The following NEUROD1 variants were observed in gnomAD, a reference collection of about 807,000 sequenced individuals.
NEUROD1 encodes the protein neuronal differentiation 1.
NEUROD1 carries 9 observed loss-of-function variants against 21.8 expected under a neutral mutation model. The ratio of observed to expected loss-of-function variants is 0.41; its 90% CI spans 0.25 to 0.72. NEUROD1 has a LOEUF of 0.72. Among genes scored for constraint, NEUROD1 ranks in the 30% least tolerant of loss-of-function variants. NEUROD1 has a pLI of 0.31. For synonymous variants in NEUROD1, 199 were observed against 186.2 expected (o/e 1.07, Z -0.56); for missense variants, 434 against 468.8 (o/e 0.93, Z 0.69).
rs888196623 is a variant in NEUROD1, at chr2:181,677,377, C to A, written c.*413G>T. 6.5e-6 allele frequency: 1 copy of A among 153,046 alleles called. No individual in the cohort carries two copies. Among genetic ancestry groups the A allele is most frequent in the Admixed American group, 6.5e-5 (1 of 15,422 alleles). The allele number at this position is 153,046 out of a possible 1,614,324, so 9.5% of individuals were successfully genotyped here. ...AAATAATTCAGCATGGGAAAGGTAA[C>A]AAGTAGTAAAATGCTGGTTGAAAAA... On this transcript the variant is annotated 3_prime_UTR_variant, in exon 2 of 2. Transcript: ENST00000295108.
chr2:181,671,853 G>A (rs1181532724), downstream of NEUROD1, among the ~76,000 whole-genome samples: 1 of 152,134 alleles, frequency 6.6e-6, no homozygotes, highest in Non-Finnish European at 1.5e-5. Context: ...AGTGGAAAGG[G>A]ATTAACAGTT....
chr2:181,670,361 T>G (rs1043471400), exon 2 of NEUROD1, among the ~76,000 whole-genome samples: 7 of 152,214 alleles, frequency 4.6e-5, no homozygotes, highest in Non-Finnish European at 8.8e-5. Flanking sequence ...AAACAGCTGT[T>G]TTTTGTCAGC....
At chr2:181,674,515 G>T (rs1688538863), downstream of NEUROD1, among the ~76,000 whole-genome samples, 1 of 152,154 alleles carries the variant, frequency 6.6e-6, no homozygotes, top group Non-Finnish European at 1.5e-5. Flanking sequence ...GTTTGAAAAT[G>T]CCTTCCAAAT....
chr2:181,675,152 A>G (rs181394835), downstream of NEUROD1, among the ~76,000 whole-genome samples: 173 of 152,360 alleles, frequency 1.1e-3, 1 homozygote, highest in Non-Finnish European at 1.9e-3. Flanking sequence ...TTCCAAAATA[A>G]CAACTCTGAT....
chr2:181,675,266 T>C (rs1380380568), downstream of NEUROD1, among the ~76,000 whole-genome samples: 1 of 152,222 alleles, frequency 6.6e-6, no homozygotes, highest in African/African-American at 2.4e-5. Flanking sequence ...AAATAATATA[T>C]TTTAAATTGC....
At chr2:181,673,226 T>G (rs1303841590), downstream of NEUROD1, 1 of 152,250 alleles carries the variant, frequency 6.6e-6, no homozygotes, top group Non-Finnish European at 1.5e-5. Flanking sequence ...GCTGCACAGT[T>G]AATTCCATCA....
At chr2:181,669,638 A>C (rs1039247186), downstream of NEUROD1, among the ~76,000 whole-genome samples, 3 of 152,310 alleles carry the variant, frequency 2.0e-5, no homozygotes, top group South Asian at 6.2e-4. Flanking sequence ...AAATTTTTTC[A>C]GTGGCTTAAA....
rs138850469 is a variant in NEUROD1, at chr2:181,678,775, G to C, written c.86C>G (p.Ser29Cys). The change falls in exon 2 of 2, where the codon TCT becomes TGT. Residue 29 changes from serine (S) to cysteine (C), a missense_variant. By Grantham distance (112) the Ser-to-Cys change is moderately radical. Coordinates refer to ENST00000295108, the MANE Select transcript of NEUROD1 (RefSeq NM_002500.5). This position sits in a 1 kb window ranked among gnomAD's most constrained non-coding sequence, Gnocchi z 5.5. ...PPSWTDECLS[S>C]QDEEHEADKK... ...GTCTGCCTCGTGCTCCTCGTCCTGAGAACTGAGACACTCGTCTGTCCAGCT... is the reference window on the plus strand; with the variant it reads ...GTCTGCCTCGTGCTCCTCGTCCTGACAACTGAGACACTCGTCTGTCCAGCT... The C allele has an allele frequency of 1.5e-4, 239 of 1,613,426 alleles. No homozygotes were observed. The highest frequency in any genetic ancestry group is 2.0e-4 in the Non-Finnish European group (232 of 1,179,688).
Position 181,678,943 on chromosome 2 carries a change from T to G in NEUROD1, c.-11-72A>C, listed in dbSNP as rs1688651109. 4 of 1,568,024 alleles carry G rather than the reference T, an allele frequency of 2.6e-6. No homozygotes were observed. In the Admixed American group the frequency reaches 5.0e-5, roughly 20 times the overall value. On this transcript the variant is annotated intron_variant, in intron 1 of 1. Coordinates refer to ENST00000295108, the MANE Select transcript of NEUROD1 (RefSeq NM_002500.5). The surrounding 1 kb of genome is among the most constrained non-coding windows in gnomAD (Gnocchi z 5.5). ...GCTATATTCAAAAGCCAGATACGCC[T>G]TCAGCTTCCACTCCCTAAACCTGTA...
At chr2:181,669,724 GA>G (rs1688469376), downstream of NEUROD1, among the ~76,000 whole-genome samples, 1 of 152,082 alleles carries the variant, frequency 6.6e-6, no homozygotes, top group African/African-American at 2.4e-5. Context: ...GCAAGCATAA[GA>G]AATGAAAGTA....
At position 181,678,488 on chromosome 2, in the gene NEUROD1, G is replaced by T; in HGVS notation, c.373C>A (p.Arg125Ser). The change falls in exon 2 of 2, where the codon CGC becomes AGC. Residue 125 changes from arginine (R) to serine (S), a missense_variant. Arg to Ser is a moderately radical substitution (Grantham distance 110, BLOSUM62 -1). Coordinates refer to ENST00000295108, the MANE Select transcript of NEUROD1 (RefSeq NM_002500.5). This position sits in a 1 kb window ranked among gnomAD's most constrained non-coding sequence, Gnocchi z 5.5. ...HGLNAALDNL[R>S]KVVPCYSKTQ... ...TTAGAATAGCAAGGCACCACCTTGC[G>T]CAGGTTGTCTAGCGCCGCGTTCAGT... is the stretch of plus-strand genomic sequence containing the variant. 1 of 1,614,230 alleles carries T rather than the reference G, an allele frequency of 6.2e-7. No individual in the cohort carries two copies. The highest frequency in any genetic ancestry group is 8.5e-7 in the Non-Finnish European group (1 of 1,180,042).
chr2:181,675,650 GTT>G (rs59018409), downstream of NEUROD1, among the ~76,000 whole-genome samples: 108 of 145,196 alleles, frequency 7.4e-4, no homozygotes, highest in African/African-American at 2.2e-3. Flanking sequence ...ATGCCAAACT[GTT>G]TTTTTTTTTT....
downstream of NEUROD1, among the ~76,000 whole-genome samples, chr2:181,672,473 A>G (rs1474960532): frequency 6.6e-6 from 1 of 152,204 alleles, no homozygotes; most frequent in Non-Finnish European, 1.5e-5. Context: ...ACAGCAACAC[A>G]CAGAAGAGAC....
At chr2:181,671,819 A>G (rs1346122552), downstream of NEUROD1, among the ~76,000 whole-genome samples, 1 of 152,206 alleles carries the variant, frequency 6.6e-6, no homozygotes, top group Non-Finnish European at 1.5e-5. Context: ...TGAATAAACA[A>G]GCACTACAAT....
chr2:181,673,302 C>T (rs1025111146), downstream of NEUROD1: 7 of 152,256 alleles, frequency 4.6e-5, no homozygotes, highest in African/African-American at 9.6e-5. Context: ...GCACAGAATT[C>T]TTCCTGTCAT....
At chr2:181,679,610 G>C (rs1688661295) in intron 1 of NEUROD1, among the ~76,000 whole-genome samples, 3 of 152,194 alleles carry the variant, frequency 2.0e-5, no homozygotes, top group Admixed American at 1.3e-4. Flanking sequence ...CTGGGGGCGC[G>C]GCGCAGAGCG....
downstream of NEUROD1, among the ~76,000 whole-genome samples, chr2:181,670,165 T>C (rs1688478204): frequency 6.6e-6 from 1 of 152,198 alleles, no homozygotes; most frequent in Non-Finnish European, 1.5e-5. Context: ...TGACATTTTC[T>C]TCACATGAAG....
At chr2:181,671,963 T>C (rs1306877259), downstream of NEUROD1, among the ~76,000 whole-genome samples, 1 of 152,196 alleles carries the variant, frequency 6.6e-6, no homozygotes, top group East Asian at 1.9e-4. Context: ...ATAGTATTGA[T>C]GTGCTAAGTT....
rs8192556 is a variant in NEUROD1, at chr2:181,678,271, G to T, written c.590C>A (p.Pro197His). Reference sequence around the variant, plus strand: ...GGGGGGCATGTCCTGGTTCTGCTCAGGCAGAAAAGTCCGAGGATTGAGTTG... The same window carrying T: ...GGGGGGCATGTCCTGGTTCTGCTCATGCAGAAAAGTCCGAGGATTGAGTTG... ...CLQLNPRTFL[P>H]EQNQDMPPHL... Residue 197 changes from proline to histidine, a missense_variant, in exon 2 of 2, where the codon CCT becomes CAT. Coordinates refer to ENST00000295108, the MANE Select transcript of NEUROD1 (RefSeq NM_002500.5). This position sits in a 1 kb window ranked among gnomAD's most constrained non-coding sequence, Gnocchi z 5.5. The T allele has an allele frequency of 0.022, 35,243 of 1,614,140 alleles. 445 individuals carry two copies. Among genetic ancestry groups the T allele is most frequent in the Middle Eastern group, 0.039 (238 of 6,060 alleles).
Sources: gnomAD v4.1 joint callset for allele counts (sites outside exome capture counted in the v4.1 genomes callset) on GRCh38, gnomAD v4.1.1 for gene constraint, Gnocchi (gnomAD v3.1) non-coding constraint, MANE v1.5 for transcripts, NCBI Gene and HGNC (gene_info 2026-07-23, HGNC 2026-07-21) for gene names.